The following TANGO6 variants were observed in gnomAD, a reference collection of about 807,000 sequenced individuals.
The protein encoded by TANGO6 is transport and Golgi organization protein 6 homolog.
Under a neutral mutation model 114.2 loss-of-function variants are expected in TANGO6, and 90 were observed. The observed-to-expected ratio is 0.79, with a 90% CI of 0.66 to 0.94. TANGO6 has a LOEUF of 0.94. Among genes scored for constraint, TANGO6 ranks in the 40% least tolerant of loss-of-function variants. The probability of loss-of-function intolerance (pLI) is 0.00; values close to 1 mark genes in which losing one functional copy is unlikely to be tolerated. For synonymous variants in TANGO6, 477 were observed against 509.8 expected (o/e 0.94, Z 0.87); for missense variants, 1,274 against 1,315.3 (o/e 0.97, Z 0.49).
chr16:69,067,525 A>AAAAAAAAAAAAC (rs1960232887), intron 17 of TANGO6, among the ~76,000 whole-genome samples: 1 of 147,210 alleles, frequency 6.8e-6, no homozygotes, highest in African/African-American at 2.5e-5. Context: ...TCTCAAAAAA[A>AAAAAAAAAAAAC]AAAAAAAAAA....
intron 16 of TANGO6, among the ~76,000 whole-genome samples, chr16:69,029,327 C>T (rs1959555860): frequency 6.6e-6 from 1 of 152,174 alleles, no homozygotes; most frequent in Non-Finnish European, 1.5e-5. Flanking sequence ...ACTTTGGGCT[C>T]AGTTTCTTGA....
At chr16:68,959,155 T>A (rs926430775) in intron 14 of TANGO6, among the ~76,000 whole-genome samples, 3 of 152,214 alleles carry the variant, frequency 2.0e-5, no homozygotes, top group Non-Finnish European at 2.9e-5. Flanking sequence ...TTGGTTTCCA[T>A]GTGACACTAC....
chr16:69,012,581 A>AAAAAAAAAAAAG (rs1567558459), intron 15 of TANGO6, among the ~76,000 whole-genome samples: 2 of 111,994 alleles, frequency 1.8e-5, no homozygotes, highest in African/African-American at 7.5e-5. Context: ...AAAAAAAAGG[A>AAAAAAAAAAAAG]AAAAAAAAAA....
At chr16:68,889,921 C>T (rs1962588348) in intron 7 of TANGO6, among the ~76,000 whole-genome samples, 1 of 152,194 alleles carries the variant, frequency 6.6e-6, no homozygotes, top group African/African-American at 2.4e-5. Context: ...CGATCTTATG[C>T]AATATGTTCT....
chr16:68,993,055 G>A (rs1431197957), intron 15 of TANGO6, among the ~76,000 whole-genome samples: 1 of 151,676 alleles, frequency 6.6e-6, no homozygotes, highest in Non-Finnish European at 1.5e-5. Context: ...GTGACAGAGG[G>A]AGACTCTGTC....
intron 17 of TANGO6, among the ~76,000 whole-genome samples, chr16:69,048,864 G>A (rs952148592): frequency 6.6e-6 from 1 of 152,260 alleles, no homozygotes; most frequent in South Asian, 2.1e-4. Flanking sequence ...CCAAAAGTGT[G>A]TTGGAAAAGG....
chr16:68,848,591 C>A (rs1961852141), intron 1 of TANGO6, among the ~76,000 whole-genome samples: 2 of 152,058 alleles, frequency 1.3e-5, no homozygotes, highest in Non-Finnish European at 2.9e-5. Flanking sequence ...ACCCAGAGAT[C>A]ACCACTATTA....
At chr16:68,964,905 G>A (rs1963629940) in intron 14 of TANGO6, among the ~76,000 whole-genome samples, 2 of 151,992 alleles carry the variant, frequency 1.3e-5, no homozygotes, top group Admixed American at 1.3e-4. Context: ...ATATTCCACT[G>A]TATGAATGAC....
intron 14 of TANGO6, among the ~76,000 whole-genome samples, chr16:68,972,799 G>C (rs977180723): frequency 2.6e-5 from 4 of 152,160 alleles, no homozygotes; most frequent in African/African-American, 9.7e-5. Context: ...GCAGGGGAAG[G>C]AGGGTGCCGT....
In TANGO6 at chr16:68,902,233, G is replaced by A. The variant is rs373455375; in HGVS notation, c.1491-95G>A. ...AGATTGTGCCAGCATTTAAAATGCA[G>A]TGGAACCTGACAGCCTTTCTTTCTT... On this transcript the variant is annotated intron_variant, in intron 8 of 17. Coordinates refer to ENST00000261778, the MANE Select transcript of TANGO6 (RefSeq NM_024562.2). The A allele has an allele frequency of 8.0e-6, 10 of 1,245,784 alleles. No homozygotes were observed. The African/African-American group carries it at 1.5e-4, about 19-fold the overall frequency. 77.2% of individuals were successfully genotyped at this position (1,245,784 alleles called of 1,614,324 possible).
intron 10 of TANGO6, among the ~76,000 whole-genome samples, chr16:68,908,906 C>T (rs1962886845): frequency 6.6e-6 from 1 of 152,136 alleles, no homozygotes; most frequent in Admixed American, 6.5e-5. Flanking sequence ...TGGTATCATA[C>T]TGTACATATT....
At chr16:69,066,289 TTTG>T (rs1960212086) in intron 17 of TANGO6, among the ~76,000 whole-genome samples, 1 of 150,448 alleles carries the variant, frequency 6.6e-6, no homozygotes, top group East Asian at 1.9e-4. Flanking sequence ...CATTCATTCA[TTTG>T]TTTATTTATT....
chr16:69,018,087 G>C (rs910083868), intron 15 of TANGO6, among the ~76,000 whole-genome samples: 1 of 147,208 alleles, frequency 6.8e-6, no homozygotes, highest in Non-Finnish European at 1.5e-5. Context: ...ATTTTTAGTA[G>C]AGACGAGGTT....
chr16:68,853,943 G>A (rs527640801), intron 1 of TANGO6, among the ~76,000 whole-genome samples: 59 of 152,158 alleles, frequency 3.9e-4, no homozygotes, highest in African/African-American at 1.4e-3. Flanking sequence ...TGAAGTATCT[G>A]AATAATTGTC....
chr16:68,906,794 T>C, intron 9 of TANGO6, among the ~76,000 whole-genome samples: 1 of 99,450 alleles, frequency 1.0e-5, no homozygotes, highest in East Asian at 2.4e-4. Flanking sequence ...TTCTTCTTCT[T>C]TTTTTTTTTT....
In TANGO6 at chr16:68,945,576, C is replaced by G. The variant is rs559914499; in HGVS notation, c.2701+15281C>G. Among the ~76,000 whole-genome samples, 10 of 152,208 alleles carry G rather than the reference C, an allele frequency of 6.6e-5. No individual in the cohort carries two copies. In the South Asian group the frequency reaches 2.1e-3, roughly 32 times the overall value. On this transcript the variant is annotated intron_variant, in intron 14 of 17. Transcript: ENST00000261778. ...CACCCTAATGGGTGTGAAGGGGTATCTCATTGTGATTTGATTTGCACTTCA... is the reference window on the plus strand; with the variant it reads ...CACCCTAATGGGTGTGAAGGGGTATGTCATTGTGATTTGATTTGCACTTCA...
At chr16:69,005,351 G>A (rs544640894) in intron 15 of TANGO6, among the ~76,000 whole-genome samples, 1 of 152,320 alleles carries the variant, frequency 6.6e-6, no homozygotes, top group Admixed American at 6.5e-5. Context: ...GACAGGGTGG[G>A]CTACTAAGGA....
intron 14 of TANGO6, among the ~76,000 whole-genome samples, chr16:68,934,591 G>A (rs1963281972): frequency 6.6e-6 from 1 of 152,212 alleles, no homozygotes; most frequent in African/African-American, 2.4e-5. Flanking sequence ...AGGCCTGGGG[G>A]TCCAGGAGGC....
intron 15 of TANGO6, among the ~76,000 whole-genome samples, chr16:68,980,856 A>C (rs1431484141): frequency 2.0e-5 from 3 of 152,002 alleles, no homozygotes; most frequent in Non-Finnish European, 4.4e-5. Context: ...TTAGCCAGGC[A>C]TAGTGGCGGG....
Sources: allele counts gnomAD v4.1 joint callset (sites outside exome capture counted in the v4.1 genomes callset), GRCh38; gene constraint gnomAD v4.1.1; transcripts MANE v1.5; gene names NCBI Gene and HGNC (gene_info 2026-07-23, HGNC 2026-07-21).